WWOX: variants seen among roughly 807,000 people sequenced by gnomAD.
The protein encoded by WWOX is WW domain-containing oxidoreductase.
WWOX carries 69 observed loss-of-function variants against 46.2 expected under a neutral mutation model. The ratio of observed to expected loss-of-function variants is 1.49; its 90% CI spans 1.23 to 1.82. The LOEUF (loss-of-function observed/expected upper bound fraction) is 1.82, where lower values mean the gene tolerates loss of function less well. WWOX is among the 40% of genes most tolerant of loss of function. The probability of loss-of-function intolerance (pLI) is 0.00; values close to 1 mark genes in which losing one functional copy is unlikely to be tolerated. For synonymous variants in WWOX, 359 were observed against 202.6 expected (o/e 1.77, Z -6.56); for missense variants, 919 against 542.6 (o/e 1.69, Z -6.89).
At chr16:78,578,011 GA>G (rs1488784220) in intron 8 of WWOX, among the ~76,000 whole-genome samples, 1 of 151,524 alleles carries the variant, frequency 6.6e-6, no homozygotes, top group African/African-American at 2.4e-5. Context: ...GATTTCAGAG[GA>G]AAAAAGTATA....
intron 8 of WWOX, among the ~76,000 whole-genome samples, chr16:78,600,521 G>A (rs989166212): frequency 6.6e-6 from 1 of 152,152 alleles, no homozygotes; most frequent in South Asian, 2.1e-4. Flanking sequence ...TTTACAGAAT[G>A]AAAGATGAGG....
At chr16:78,924,881 C>G (rs1051925026) in intron 8 of WWOX, among the ~76,000 whole-genome samples, 3 of 152,130 alleles carry the variant, frequency 2.0e-5, no homozygotes, top group African/African-American at 7.2e-5. Flanking sequence ...ACAGTGTGCT[C>G]TCAATGTTTG....
At chr16:79,054,231 G>C (rs746576139) in intron 8 of WWOX, among the ~76,000 whole-genome samples, 5 of 152,194 alleles carry the variant, frequency 3.3e-5, no homozygotes, top group Non-Finnish European at 5.9e-5. Flanking sequence ...ATCTTTCAGA[G>C]ATAATAAAAG....
chr16:78,522,225 G>C (rs951064589), intron 8 of WWOX, among the ~76,000 whole-genome samples: 20 of 151,000 alleles, frequency 1.3e-4, no homozygotes, highest in Non-Finnish European at 1.9e-4. Flanking sequence ...GCAGGTTGTA[G>C]ACTCATGAAA....
At chr16:79,173,403 C>T (rs2050739803) in intron 8 of WWOX, among the ~76,000 whole-genome samples, 1 of 152,170 alleles carries the variant, frequency 6.6e-6, no homozygotes, top group South Asian at 2.1e-4. Flanking sequence ...ACATGGGTCT[C>T]TTTCACACAC....
chr16:78,493,587 C>G (rs1317460695), intron 8 of WWOX, among the ~76,000 whole-genome samples: 1 of 152,036 alleles, frequency 6.6e-6, no homozygotes, highest in Non-Finnish European at 1.5e-5. Flanking sequence ...TTTACAAGTT[C>G]TGATTAATGA....
intron 8 of WWOX, among the ~76,000 whole-genome samples, chr16:79,150,884 G>T (rs977114295): frequency 6.6e-6 from 1 of 152,110 alleles, no homozygotes; most frequent in Non-Finnish European, 1.5e-5. Flanking sequence ...AAATACATCC[G>T]CAGTCCAGAT....
At chr16:79,050,306 T>C (rs1385641151) in intron 8 of WWOX, among the ~76,000 whole-genome samples, 1 of 152,202 alleles carries the variant, frequency 6.6e-6, no homozygotes, top group Non-Finnish European at 1.5e-5. Context: ...TGCCCTAGGC[T>C]GGACATGGGT....
intron 8 of WWOX, among the ~76,000 whole-genome samples, chr16:79,136,840 C>G (rs557143251): frequency 2.6e-5 from 4 of 152,292 alleles, no homozygotes; most frequent in African/African-American, 9.6e-5. Context: ...CTTAACATTT[C>G]CAGAATATGT....
At chr16:78,254,517 T>G (rs1463938019) in intron 5 of WWOX, among the ~76,000 whole-genome samples, 1 of 139,228 alleles carries the variant, frequency 7.2e-6, no homozygotes, top group Non-Finnish European at 1.5e-5. Context: ...TTTTTTTTTT[T>G]TTGTTTGACA....
chr16:78,929,117 A>G (rs1408797648), intron 8 of WWOX, among the ~76,000 whole-genome samples: 1 of 152,214 alleles, frequency 6.6e-6, no homozygotes, highest in Non-Finnish European at 1.5e-5. Context: ...AATGTATTTA[A>G]CGCTCTCTCA....
chr16:78,368,204 CA>C (rs2081585725), intron 5 of WWOX, among the ~76,000 whole-genome samples: 1 of 152,158 alleles, frequency 6.6e-6, no homozygotes. Flanking sequence ...CTTCTGTGAA[CA>C]GAGGTTATGT....
chr16:78,232,016 A>T (rs1278321586), intron 5 of WWOX, among the ~76,000 whole-genome samples: 2 of 152,200 alleles, frequency 1.3e-5, no homozygotes, highest in African/African-American at 4.8e-5. Context: ...ACCTGTGAAT[A>T]AGGCAAGTTC....
intron 4 of WWOX, among the ~76,000 whole-genome samples, chr16:78,141,636 A>G (rs1308998521): frequency 6.6e-6 from 1 of 152,196 alleles, no homozygotes; most frequent in Non-Finnish European, 1.5e-5. Context: ...TTACGTAGAC[A>G]TACTTCCATT....
chr16:78,099,813 C>T lies in WWOX; in HGVS notation c.35C>T (p.Thr12Met). 6.3e-7 allele frequency: 1 copy of T among 1,576,892 alleles called. No individual in the cohort carries two copies. Among genetic ancestry groups the T allele is most frequent in the Non-Finnish European group, 8.6e-7 (1 of 1,162,722 alleles). ...AALRYAGLDDTDSEDELPPGW... is the reference protein window; with the variant it reads ...AALRYAGLDDMDSEDELPPGW... ...CTGCGCTACGCGGGGCTGGACGACA[C>T]GGACAGTGAGGACGAGCTGCCTCCG... Residue 12 changes from threonine (T) to methionine (M), a missense_variant, in exon 1 of 9, where the codon ACG (threonine) becomes ATG (methionine). Thr to Met is a moderately conservative substitution (Grantham distance 81). Transcript: ENST00000566780.
At position 79,011,086 on chromosome 16, in the gene WWOX, G is replaced by A. The variant is rs141636509; in HGVS notation, c.1057-200522G>A. Among the ~76,000 whole-genome samples the A allele has an allele frequency of 7.9e-3, 1,191 of 150,706 alleles. 16 individuals carry two copies. Among genetic ancestry groups the A allele is most frequent in the African/African-American group, 0.028 (1,138 of 41,042 alleles). On this transcript the variant is annotated intron_variant, in intron 8 of 8. Coordinates refer to ENST00000566780, the MANE Select transcript of WWOX (RefSeq NM_016373.4). ...AAGTATACCTTTATATATGTGACAT[G>A]TATCTTTACATATGATATGTATGGT...
intron 8 of WWOX, among the ~76,000 whole-genome samples, chr16:78,594,355 T>G (rs557714549): frequency 1.3e-3 from 189 of 150,712 alleles, no homozygotes; most frequent in African/African-American, 4.4e-3. Flanking sequence ...TCCGCTCATA[T>G]TCTTGCATTT....
intron 8 of WWOX, among the ~76,000 whole-genome samples, chr16:79,027,237 G>T (rs2047663722): frequency 6.9e-6 from 1 of 144,316 alleles, no homozygotes; most frequent in Non-Finnish European, 1.5e-5. Flanking sequence ...CTGTGATCAT[G>T]CCACTGCACT....
At chr16:78,998,101 C>G (rs762355935) in intron 8 of WWOX, among the ~76,000 whole-genome samples, 6 of 152,228 alleles carry the variant, frequency 3.9e-5, no homozygotes, top group African/African-American at 1.2e-4. Context: ...GTCTTGAACT[C>G]CTGACCTCAG....
Sources: allele counts gnomAD v4.1 joint callset (sites outside exome capture counted in the v4.1 genomes callset), GRCh38; gene constraint gnomAD v4.1.1; transcripts MANE v1.5; gene names NCBI Gene and HGNC (gene_info 2026-07-23, HGNC 2026-07-21).